The following RIT2 variants were observed in gnomAD, a reference collection of about 807,000 sequenced individuals.
RIT2 encodes Ras like without CAAX 2.
Under a neutral mutation model 23.7 loss-of-function variants are expected in RIT2, and 24 were observed. The ratio of observed to expected loss-of-function variants is 1.01; its 90% confidence interval spans 0.73 to 1.43. The LOEUF (loss-of-function observed/expected upper bound fraction) is 1.43, where lower values mean the gene tolerates loss of function less well. Ranked by LOEUF, RIT2 falls within the 40% of genes most tolerant of loss-of-function variation. The pLI is 0.00. For missense variants in RIT2, 236 were observed against 266.9 expected, an observed-to-expected ratio of 0.88 and a Z score of 0.81; for synonymous variants, 107 against 91.1, an observed-to-expected ratio of 1.17 and a Z score of -0.99.
chr18:42,889,140 G>A (rs1908105414), intron 4 of RIT2, among the ~76,000 whole-genome samples: 1 of 151,784 alleles, frequency 6.6e-6, no homozygotes, highest in Non-Finnish European at 1.5e-5. Flanking sequence ...CAATATTTTG[G>A]TCAATTGTAT....
At chr18:43,041,308 G>A (rs1187330293) in intron 1 of RIT2, among the ~76,000 whole-genome samples, 2 of 152,106 alleles carry the variant, frequency 1.3e-5, no homozygotes, top group African/African-American at 4.8e-5. Flanking sequence ...AATAAAGAAT[G>A]CTTAGTAGAC....
At chr18:42,960,879 A>G (rs1009827798) in intron 3 of RIT2, among the ~76,000 whole-genome samples, 2 of 152,222 alleles carry the variant, frequency 1.3e-5, no homozygotes, top group Admixed American at 6.5e-5. Context: ...TCTTCTTGTT[A>G]CAAAACAAGC....
chr18:42,856,825 C>CTTTTTTTTTTTTT (rs760595125), intron 4 of RIT2, among the ~76,000 whole-genome samples: 36 of 127,990 alleles, frequency 2.8e-4, no homozygotes, highest in African/African-American at 1.0e-3. Flanking sequence ...TTCTCTCTCT[C>CTTTTTTTTTTTTT]TCTTTTTTTT....
intron 1 of RIT2, among the ~76,000 whole-genome samples, chr18:43,087,193 G>A (rs2144355333): frequency 6.6e-6 from 1 of 152,082 alleles, no homozygotes; most frequent in South Asian, 2.1e-4. Context: ...AGTGAGCTGA[G>A]ATCACACCAC....
Position 42,965,711 on chromosome 18 carries a change from C to CTTTTTTTTTTTTTTTTTTTT in RIT2, c.234+8343_234+8362dup, listed in dbSNP as rs58344278. On this transcript the variant is annotated intron_variant, in intron 3 of 4. Coordinates refer to ENST00000326695, the MANE Select transcript of RIT2 (RefSeq NM_002930.4). Reference sequence around the variant, plus strand: ...GGTAAACAAAGATGTGTACTGATGGCTTTTTTTTTTTTTTTTTTTTTTTTT... The same window carrying CTTTTTTTTTTTTTTTTTTTT: ...GGTAAACAAAGATGTGTACTGATGGCTTTTTTTTTTTTTTTTTTTTTTTTTTTTTTTTTTTTTTTTTTTTT... Among the ~76,000 whole-genome samples, 4 of 37,780 alleles carry CTTTTTTTTTTTTTTTTTTTT rather than the reference C, an allele frequency of 1.1e-4. 1 individual carries two copies. Among genetic ancestry groups the CTTTTTTTTTTTTTTTTTTTT allele is most frequent in the African/African-American group, 2.8e-4 (3 of 10,616 alleles). The allele number at this position is 37,780 out of a possible 152,430, so 24.8% of individuals were successfully genotyped here.
chr18:42,763,999 G>A (rs957493766), intron 4 of RIT2, among the ~76,000 whole-genome samples: 4 of 152,248 alleles, frequency 2.6e-5, no homozygotes, highest in South Asian at 2.1e-4. Flanking sequence ...ATCACTGACC[G>A]AAATGTTGTT....
intron 4 of RIT2, among the ~76,000 whole-genome samples, chr18:42,754,777 T>C (rs752956951): frequency 4.1e-4 from 62 of 152,212 alleles, no homozygotes; most frequent in Non-Finnish European, 6.6e-4. Context: ...TGGATGATGA[T>C]GAAAATGACA....
chr18:42,744,228 G>A (rs187527968), intron 4 of RIT2, among the ~76,000 whole-genome samples: 80 of 152,246 alleles, frequency 5.3e-4, no homozygotes, highest in African/African-American at 1.8e-3. Context: ...CAGCCCGCCT[G>A]CACCCAGGTG....
chr18:42,861,875 A>G (rs185447796), intron 4 of RIT2, among the ~76,000 whole-genome samples: 7 of 152,200 alleles, frequency 4.6e-5, no homozygotes, highest in African/African-American at 1.7e-4. Context: ...TTTAAATATG[A>G]CTGGCTTTTA....
At chr18:42,756,556 T>G (rs1913168223) in intron 4 of RIT2, among the ~76,000 whole-genome samples, 1 of 152,194 alleles carries the variant, frequency 6.6e-6, no homozygotes, top group Non-Finnish European at 1.5e-5. Flanking sequence ...TTTTTGAATT[T>G]TTCTCCTAAA....
chr18:43,008,521 T>G (rs1911276229), intron 2 of RIT2, among the ~76,000 whole-genome samples: 1 of 151,484 alleles, frequency 6.6e-6, no homozygotes, highest in Non-Finnish European at 1.5e-5. Context: ...ATAAGGATAC[T>G]TTTTCTTATA....
chr18:43,078,383 G>C (rs1034420095), intron 1 of RIT2, among the ~76,000 whole-genome samples: 1 of 152,140 alleles, frequency 6.6e-6, no homozygotes, highest in African/African-American at 2.4e-5. Flanking sequence ...GTTGCTTCCA[G>C]CTAGTCTTCC....
At chr18:43,093,237 G>A (rs1486193459) in intron 1 of RIT2, among the ~76,000 whole-genome samples, 1 of 151,732 alleles carries the variant, frequency 6.6e-6, no homozygotes, top group Non-Finnish European at 1.5e-5. Context: ...GGCTACTGTG[G>A]TATTTCTTGT....
At chr18:43,115,250 A>G (rs923085749) in intron 1 of RIT2, among the ~76,000 whole-genome samples, 167 bp downstream of exon 1, 1 of 152,176 alleles carries the variant, frequency 6.6e-6, no homozygotes, top group Non-Finnish European at 1.5e-5. Flanking sequence ...ACTCATCAGC[A>G]TCGGTTTAAC....
At chr18:42,877,240 T>A (rs1232456684) in intron 4 of RIT2, among the ~76,000 whole-genome samples, 1 of 151,796 alleles carries the variant, frequency 6.6e-6, no homozygotes, top group East Asian at 1.9e-4. Context: ...TACATAAAAT[T>A]TAAGTATTCA....
intron 4 of RIT2, among the ~76,000 whole-genome samples, chr18:42,853,284 T>C (rs1358183390): frequency 6.6e-6 from 1 of 152,228 alleles, no homozygotes; most frequent in Non-Finnish European, 1.5e-5. Flanking sequence ...GAGATGATGT[T>C]GAGTTGTTAC....
chr18:43,115,375 A>G (rs1914043613), intron 1 of RIT2, 42 bp downstream of exon 1: 1 of 1,610,266 alleles, frequency 6.2e-7, no homozygotes, highest in Non-Finnish European at 8.5e-7. Flanking sequence ...AGTTGTCTCT[A>G]TAGAGGTCCC....
chr18:42,753,600 G>A (rs1400908299), intron 4 of RIT2, among the ~76,000 whole-genome samples: 1 of 152,112 alleles, frequency 6.6e-6, no homozygotes, highest in Non-Finnish European at 1.5e-5. Flanking sequence ...TTCCCATGGA[G>A]CTATTAATTT....
chr18:42,899,901 A>G (rs1294305327), intron 4 of RIT2, among the ~76,000 whole-genome samples: 1 of 152,172 alleles, frequency 6.6e-6, no homozygotes, highest in East Asian at 1.9e-4. Context: ...AAATCTTCAT[A>G]AAAGTACATA....
Sources: allele counts gnomAD v4.1 joint callset (sites outside exome capture counted in the v4.1 genomes callset), GRCh38; gene constraint gnomAD v4.1.1; transcripts MANE v1.5; gene names NCBI Gene and HGNC (gene_info 2026-07-23, HGNC 2026-07-21).